COL21A1: variants seen among roughly 807,000 people sequenced by gnomAD.
COL21A1 encodes collagen alpha-1(XXI) chain.
In COL21A1, 149 loss-of-function variants were observed where a neutral mutation model predicts 137.9. That is an observed-to-expected ratio of 1.08 (90% CI 0.95 to 1.24). The LOEUF (loss-of-function observed/expected upper bound fraction) is 1.24. COL21A1 is among the 50% of genes most tolerant of loss of function. The pLI, the probability that COL21A1 is intolerant of heterozygous loss-of-function variation, is 0.00. For synonymous variants in COL21A1, 456 were observed against 391.5 expected (o/e 1.16, Z -1.95); for missense variants, 1,167 against 1,158.4 (o/e 1.01, Z -0.11).
At chr6:56,191,531 G>T (rs1035360019) in intron 1 of COL21A1, among the ~76,000 whole-genome samples, 5 of 149,886 alleles carry the variant, frequency 3.3e-5, no homozygotes, top group African/African-American at 9.9e-5. Flanking sequence ...AGCAGAGGTT[G>T]CAGCGAGCTG....
intron 1 of COL21A1, among the ~76,000 whole-genome samples, chr6:56,299,244 T>C (rs910416447): frequency 6.6e-5 from 10 of 151,648 alleles, no homozygotes; most frequent in Non-Finnish European, 7.4e-5. Context: ...AATGGCTACA[T>C]AGAACCTTTC....
chr6:56,190,424 A>T (rs1778585088), intron 1 of COL21A1, among the ~76,000 whole-genome samples: 1 of 152,198 alleles, frequency 6.6e-6, no homozygotes. Context: ...AGCAATAACA[A>T]GTTCTGAAAT....
chr6:56,393,572 G>A (rs185366814), intron 1 of COL21A1, among the ~76,000 whole-genome samples: 7 of 152,148 alleles, frequency 4.6e-5, no homozygotes, highest in African/African-American at 1.7e-4. Flanking sequence ...TGGATTGGTG[G>A]AATTGTTAGC....
chr6:56,148,368 G>GAA (rs1554145136), intron 10 of COL21A1, among the ~76,000 whole-genome samples: 83 of 150,234 alleles, frequency 5.5e-4, no homozygotes, highest in African/African-American at 2.0e-3. Context: ...GAGAGAGAGA[G>GAA]AAACACATAA....
intron 17 of COL21A1, 82 bp downstream of exon 17, chr6:56,101,390 G>T (rs1024857528): frequency 1.9e-6 from 2 of 1,048,684 alleles, no homozygotes; most frequent in African/African-American, 3.2e-5. Context: ...GGGCATCTGA[G>T]AGAAGAATTT....
intron 1 of COL21A1, among the ~76,000 whole-genome samples, chr6:56,282,244 C>T (rs77714563): frequency 0.013 from 1,997 of 152,070 alleles, 15 homozygotes; most frequent in Non-Finnish European, 0.022. Context: ...CAATAGAATT[C>T]TAAAGAATTT....
intron 17 of COL21A1, among the ~76,000 whole-genome samples, chr6:56,094,671 T>G (rs1045037098): frequency 6.6e-6 from 1 of 152,206 alleles, no homozygotes. Context: ...GATATATGAA[T>G]GTATGTATAC....
intron 1 of COL21A1, among the ~76,000 whole-genome samples, chr6:56,230,176 C>A (rs1297653326): frequency 1.3e-5 from 2 of 151,966 alleles, no homozygotes; most frequent in South Asian, 2.1e-4. Context: ...GGAGTCCCAA[C>A]TAAGCCAGAT....
At chr6:56,272,602 G>C (rs1177533933) in intron 1 of COL21A1, among the ~76,000 whole-genome samples, 1 of 152,146 alleles carries the variant, frequency 6.6e-6, no homozygotes, top group Non-Finnish European at 1.5e-5. Flanking sequence ...ATGTGGCTTG[G>C]CTCTGTGTCC....
At chr6:56,101,588 C>A in intron 16 of COL21A1, 63 bp from the exon 17 acceptor site, 1 of 1,086,896 alleles carries the variant, frequency 9.2e-7, no homozygotes, top group Non-Finnish European at 1.4e-6. Context: ...ACCAAAATAA[C>A]AATATATAAC....
chr6:56,211,181 A>ATACATG (rs1780144374), intron 1 of COL21A1, among the ~76,000 whole-genome samples: 4 of 15,190 alleles, frequency 2.6e-4, no homozygotes, highest in Admixed American at 1.0e-3. Context: ...ATATATACAT[A>ATACATG]TATATGTATA....
chr6:56,103,008 G>C (rs1278470894), intron 16 of COL21A1, among the ~76,000 whole-genome samples: 1 of 152,108 alleles, frequency 6.6e-6, no homozygotes, highest in Admixed American at 6.5e-5. Flanking sequence ...AAAAATTCAA[G>C]ACAAGGGATA....
At chr6:56,164,037 A>T (rs1776384234) in intron 9 of COL21A1, among the ~76,000 whole-genome samples, 1 of 152,188 alleles carries the variant, frequency 6.6e-6, no homozygotes, top group Admixed American at 6.5e-5. Flanking sequence ...CCATCCAAAA[A>T]TTATTTTGAC....
At chr6:56,386,536 A>G (rs1425158465) in intron 1 of COL21A1, among the ~76,000 whole-genome samples, 1 of 152,106 alleles carries the variant, frequency 6.6e-6, no homozygotes, top group Non-Finnish European at 1.5e-5. Flanking sequence ...ACCATTTTAC[A>G]TTCCTACCAA....
At chr6:56,228,821 A>C (rs1669705639) in intron 1 of COL21A1, among the ~76,000 whole-genome samples, 1 of 151,868 alleles carries the variant, frequency 6.6e-6, no homozygotes, top group South Asian at 2.1e-4. Flanking sequence ...TGACTAAAGT[A>C]CAAGAATAAC....
intron 12 of COL21A1, among the ~76,000 whole-genome samples, chr6:56,127,674 T>A (rs374386774): frequency 1.3e-5 from 2 of 152,214 alleles, no homozygotes; most frequent in African/African-American, 4.8e-5. Flanking sequence ...CTTCACTCAG[T>A]TCTTGAGTTC....
At chr6:56,297,115 C>CT (rs1764180296) in intron 1 of COL21A1, among the ~76,000 whole-genome samples, 1 of 151,962 alleles carries the variant, frequency 6.6e-6, no homozygotes, top group South Asian at 2.1e-4. Context: ...TGAGCCCAAA[C>CT]ATTTTTTAAT....
intron 16 of COL21A1, among the ~76,000 whole-genome samples, chr6:56,104,260 T>G (rs943428169): frequency 3.9e-5 from 6 of 152,166 alleles, no homozygotes; most frequent in Non-Finnish European, 7.4e-5. Context: ...AGACTCTTTA[T>G]TCTTCAATGT....
At chr6:56,269,417 A>C (rs1356148163) in intron 1 of COL21A1, among the ~76,000 whole-genome samples, 1 of 152,000 alleles carries the variant, frequency 6.6e-6, no homozygotes, top group African/African-American at 2.4e-5. Context: ...GCACTTTGGG[A>C]GGCCGAGGCG....
Sources: gnomAD v4.1 joint callset for allele counts (sites outside exome capture counted in the v4.1 genomes callset) on GRCh38, gnomAD v4.1.1 for gene constraint, MANE v1.5 for transcripts, NCBI Gene and HGNC (gene_info 2026-07-23, HGNC 2026-07-21) for gene names.